The following TEX10 variants were observed in gnomAD, a reference collection of about 807,000 sequenced individuals.
The protein encoded by TEX10 is testis expressed 10.
In TEX10, 24 loss-of-function variants were observed where a neutral mutation model predicts 104.4. The observed-to-expected ratio is 0.23, with a 90% confidence interval of 0.17 to 0.32. The LOEUF is 0.32. TEX10 is among the 10% of genes least tolerant of loss of function. TEX10 has a pLI of 1.00. For synonymous variants in TEX10, 396 were observed against 393.4 expected, an observed-to-expected ratio of 1.01 and a Z score of -0.08; for missense variants, 921 against 1,083.9, an observed-to-expected ratio of 0.85 and a Z score of 2.11.
intron 6 of TEX10, 87 bp from the exon 7 acceptor site, chr9:100,329,362 C>A: frequency 6.6e-7 from 1 of 1,506,040 alleles, no homozygotes; most frequent in East Asian, 2.3e-5. Context: ...AAGTACTTTA[C>A]TTTCTTCCTA....
intron 1 of TEX10, 23 bp downstream of exon 1, chr9:100,352,749 C>A: frequency 8.6e-7 from 1 of 1,165,226 alleles, no homozygotes; most frequent in East Asian, 4.8e-5. Flanking sequence ...GAGGACCCGG[C>A]CCGACGGGCG....
intron 11 of TEX10, among the ~76,000 whole-genome samples, chr9:100,319,179 C>T (rs1834502051): frequency 6.6e-6 from 1 of 151,862 alleles, no homozygotes; most frequent in Admixed American, 6.6e-5. Flanking sequence ...GCGACAAAAG[C>T]GAGACTCCAT....
rs200607155 is a variant in TEX10 at position 100,347,019 on chromosome 9, T to C, written c.568A>G (p.Ile190Val). Residue 190 changes from isoleucine (I) to valine (V), a missense_variant, in exon 3 of 15, where the codon ATT becomes GTT. Physicochemically the swap from Ile to Val is conservative, Grantham distance 29. Transcript: ENST00000374902. ...SILLKNFVEL[I>V]SHQQLSKGLI... ...CCTTTGGACAGCTGCTGATGAGAAA[T>C]AAGTTCTACAAAATTCTTAAGCAAT... 30 of 1,614,194 alleles carry C rather than the reference T, an allele frequency of 1.9e-5. 1 individual carries two copies. The highest frequency in any genetic ancestry group is 5.0e-5 in the Admixed American group (3 of 60,024).
chr9:100,316,567 T>C (rs1386770843), intron 11 of TEX10, among the ~76,000 whole-genome samples: 1 of 152,040 alleles, frequency 6.6e-6, no homozygotes, highest in African/African-American at 2.4e-5. Context: ...GACATCCAAA[T>C]TGGAAAAGAG....
rs139159313 is a variant in TEX10 at position 100,332,048 on chromosome 9, G to A, written c.1251-1879C>T. ...TAGAAATTAATTCTACGTTGGATAT[G>A]TTGAGCCTAAAGTATCATAATCAAA... is the stretch of plus-strand genomic sequence containing the variant. On this transcript the variant is annotated intron_variant, in intron 5 of 14. Transcript: ENST00000374902. Among the ~76,000 whole-genome samples the A allele has an allele frequency of 2.0e-3, 311 of 152,332 alleles. 3 individuals are homozygous for A. Among genetic ancestry groups the A allele is most frequent in the African/African-American group, 7.2e-3 (300 of 41,574 alleles).
chr9:100,323,507 G>T (rs935741799), intron 9 of TEX10, among the ~76,000 whole-genome samples: 1 of 152,148 alleles, frequency 6.6e-6, no homozygotes, highest in Non-Finnish European at 1.5e-5. Context: ...GGGTAGAGGG[G>T]TAAGAACTGA....
chr9:100,315,448 A>G (rs1056661970), intron 11 of TEX10, among the ~76,000 whole-genome samples: 9 of 152,048 alleles, frequency 5.9e-5, no homozygotes, highest in Admixed American at 1.3e-4. Context: ...GTGCATATAT[A>G]CTTAGTGGTG....
At chr9:100,305,715 A>G (rs1834127208) in intron 13 of TEX10, 1 of 152,248 alleles carries the variant, frequency 6.6e-6, no homozygotes, top group Non-Finnish European at 1.5e-5. Flanking sequence ...AGTCATAAAA[A>G]CTGTATGTGG....
intron 13 of TEX10, chr9:100,307,403 TACTA>T (rs898564544): frequency 3.3e-5 from 5 of 152,194 alleles, no homozygotes; most frequent in African/African-American, 1.2e-4. Flanking sequence ...CTAAAATATT[TACTA>T]ACTAACCCTT....
chr9:100,316,914 A>AC (rs1834435340), intron 11 of TEX10, among the ~76,000 whole-genome samples: 1 of 151,302 alleles, frequency 6.6e-6, no homozygotes, highest in Admixed American at 6.6e-5. Flanking sequence ...AAAAAAAAAA[A>AC]AACCTAGGAA....
intron 11 of TEX10, among the ~76,000 whole-genome samples, chr9:100,314,439 G>C (rs1264086896): frequency 6.6e-6 from 1 of 152,042 alleles, no homozygotes; most frequent in Admixed American, 6.6e-5. Context: ...GGTCTGTTCA[G>C]ATTTTCTGTT....
Position 100,352,792 on chromosome 9 carries a change from G to C in TEX10, c.-30C>G. ...CTTACCTGAGGACCCGGCCGCGGCC[G>C]GGGCGAGAAGCCCGAGAAGACAAGC... is the stretch of plus-strand genomic sequence containing the variant. On this transcript the variant is annotated 5_prime_UTR_variant, in exon 1 of 15. Transcript: ENST00000374902. 9.3e-7 allele frequency: 1 copy of C among 1,072,156 alleles called. No homozygotes were observed. The allele number at this position is 1,072,156 out of a possible 1,614,324, so 66.4% of individuals were successfully genotyped here. A position where few individuals can be genotyped will look rare whatever the true frequency, so the allele number is the denominator to read the frequency against.
Position 100,326,473 on chromosome 9 carries a change from T to C in TEX10, c.1808A>G (p.Gln603Arg). 2 of 1,613,118 alleles carry C rather than the reference T, an allele frequency of 1.2e-6. No homozygotes were observed. The highest frequency in any genetic ancestry group is 1.7e-6 in the Non-Finnish European group (2 of 1,179,600). Reference sequence around the variant, plus strand: ...AGGGAGAACCACCACAGCACCTTCTTGTGGATCTAGTGAGGTGGATAGACA... The same window carrying C: ...AGGGAGAACCACCACAGCACCTTCTCGTGGATCTAGTGAGGTGGATAGACA... ...QATALRIYDP[Q>R]EGAVVVLPAD... is the part of the protein sequence containing the mutation. The change falls in exon 9 of 15, where the codon CAA becomes CGA. Residue 603 changes from glutamine (Q) to arginine (R), a missense_variant. Gln to Arg is a conservative substitution (Grantham distance 43). Coordinates refer to ENST00000374902, the MANE Select transcript of TEX10 (RefSeq NM_017746.4).
At chr9:100,315,741 C>G (rs1420218742) in intron 11 of TEX10, among the ~76,000 whole-genome samples, 1 of 152,042 alleles carries the variant, frequency 6.6e-6, no homozygotes, top group Non-Finnish European at 1.5e-5. Context: ...CTCTTTTGGC[C>G]TGTAAGGTTT....
At chr9:100,319,089 G>T (rs1834498596) in intron 11 of TEX10, among the ~76,000 whole-genome samples, 1 of 152,054 alleles carries the variant, frequency 6.6e-6, no homozygotes, top group Non-Finnish European at 1.5e-5. Flanking sequence ...CTACTCAGGA[G>T]GCTAAGGCAG....
chr9:100,340,006 A>G (rs1050407702), intron 5 of TEX10, among the ~76,000 whole-genome samples: 1 of 152,148 alleles, frequency 6.6e-6, no homozygotes, highest in African/African-American at 2.4e-5. Flanking sequence ...TTAAATTCGT[A>G]TTTACATAAG....
At chr9:100,343,769 T>A (rs543139105) in intron 4 of TEX10, among the ~76,000 whole-genome samples, 1 of 152,282 alleles carries the variant, frequency 6.6e-6, no homozygotes, top group East Asian at 1.9e-4. Flanking sequence ...TCTATACAGT[T>A]TCTGAGAGAA....
chr9:100,337,275 A>G (rs1835033487), intron 5 of TEX10, among the ~76,000 whole-genome samples: 1 of 152,246 alleles, frequency 6.6e-6, no homozygotes, highest in Non-Finnish European at 1.5e-5. Context: ...CTTGCACATA[A>G]GAGTCCAATA....
intron 1 of TEX10, chr9:100,352,489 G>T (rs1226729293): frequency 5.0e-5 from 77 of 1,551,128 alleles, no homozygotes; most frequent in Non-Finnish European, 6.0e-5. Flanking sequence ...CGGGGAAGTG[G>T]GGCCCGATTC....
Sources: gnomAD v4.1 joint callset for allele counts (sites outside exome capture counted in the v4.1 genomes callset) on GRCh38, gnomAD v4.1.1 for gene constraint, MANE v1.5 for transcripts, NCBI Gene and HGNC (gene_info 2026-07-23, HGNC 2026-07-21) for gene names.